Variants in SEMA6D observed in about 807,000 individuals in gnomAD.
The protein encoded by SEMA6D is semaphorin-6D.
A neutral mutation model predicts 106.6 loss-of-function variants in SEMA6D; 35 were observed. That is an observed-to-expected ratio of 0.33 (90% CI 0.25 to 0.44). The LOEUF is 0.44. Ranked by LOEUF, SEMA6D falls within the 20% of genes least tolerant of loss-of-function variation. The pLI, the probability that SEMA6D is intolerant of heterozygous loss-of-function variation, is 1.00. For missense variants in SEMA6D, 1,185 were observed against 1,345.9 expected, an observed-to-expected ratio of 0.88 and a Z score of 1.87; for synonymous variants, 499 against 487.7, an observed-to-expected ratio of 1.02 and a Z score of -0.31.
chr15:47,335,144 C>A (rs2037500418), intron 1 of SEMA6D, among the ~76,000 whole-genome samples: 2 of 151,940 alleles, frequency 1.3e-5, no homozygotes, highest in Admixed American at 6.6e-5. Context: ...AACCAAGAAA[C>A]TATTGAAACT....
At chr15:47,757,188 T>G (rs1335148911) in intron 1 of SEMA6D, among the ~76,000 whole-genome samples, 1 of 152,208 alleles carries the variant, frequency 6.6e-6, no homozygotes, top group Non-Finnish European at 1.5e-5. Flanking sequence ...ACATGGATGT[T>G]CTGCTTACCT....
In SEMA6D at chr15:47,746,984, G is replaced by GTGTATATATATATATATATATA. The variant is rs1401767590; in HGVS notation, c.-54-12760_-54-12759insGTATATATATATATATATATAT. Among the ~76,000 whole-genome samples the GTGTATATATATATATATATATA allele has an allele frequency of 1.2e-3, 141 of 122,082 alleles. 2 individuals are homozygous for GTGTATATATATATATATATATA. The highest frequency in any genetic ancestry group is 5.6e-3 in the East Asian group (25 of 4,458). 80.1% of individuals were successfully genotyped at this position (122,082 alleles called of 152,430 possible). On this transcript the variant is annotated intron_variant, in intron 1 of 18. Transcript: ENST00000536845. ...ACAGTCTCCTGCTGTGTGTGTGTGTGTATATATATATATATATATTTCGAT... is the reference window on the plus strand; with the variant it reads ...ACAGTCTCCTGCTGTGTGTGTGTGTGTGTATATATATATATATATATATATATATATATATATATATTTCGAT...
chr15:47,321,081 CTCTA>C (rs1487360677), intron 1 of SEMA6D, among the ~76,000 whole-genome samples: 1 of 152,140 alleles, frequency 6.6e-6, no homozygotes, highest in African/African-American at 2.4e-5. Flanking sequence ...CATAACAGGG[CTCTA>C]TCTCTTTATT....
intron 1 of SEMA6D, among the ~76,000 whole-genome samples, chr15:47,756,367 A>T (rs1221132213): frequency 6.6e-6 from 1 of 152,114 alleles, no homozygotes; most frequent in African/African-American, 2.4e-5. Context: ...GCCAGACAAG[A>T]CGTAACCAGA....
chr15:47,329,669 T>G (rs1180254618), intron 1 of SEMA6D, among the ~76,000 whole-genome samples: 1 of 152,202 alleles, frequency 6.6e-6, no homozygotes, highest in Non-Finnish European at 1.5e-5. Context: ...AGTGTTTCTT[T>G]TAGGAATGGT....
intron 1 of SEMA6D, among the ~76,000 whole-genome samples, chr15:47,246,392 G>A (rs1401544749): frequency 2.6e-5 from 4 of 152,136 alleles, no homozygotes; most frequent in African/African-American, 9.7e-5. Context: ...ACGGTACAGG[G>A]CTGAAGGAGG....
intron 4 of SEMA6D, among the ~76,000 whole-genome samples, chr15:47,611,604 A>G (rs1252464381): frequency 6.6e-6 from 1 of 152,216 alleles, no homozygotes; most frequent in Non-Finnish European, 1.5e-5. Flanking sequence ...ATTTTCTGTA[A>G]TGAACATACA....
At chr15:47,281,706 A>G (rs1405524744) in intron 1 of SEMA6D, among the ~76,000 whole-genome samples, 1 of 152,148 alleles carries the variant, frequency 6.6e-6, no homozygotes, top group South Asian at 2.1e-4. Flanking sequence ...AATAGAGCAC[A>G]GTATAATGTT....
At chr15:47,455,045 A>G (rs915453457) in intron 2 of SEMA6D, among the ~76,000 whole-genome samples, 4 of 151,936 alleles carry the variant, frequency 2.6e-5, no homozygotes, top group Non-Finnish European at 5.9e-5. Flanking sequence ...CCCAGAACCT[A>G]GCACATGGTA....
chr15:47,768,184 T>C (rs1332643521), intron 17 of SEMA6D, among the ~76,000 whole-genome samples: 1 of 152,168 alleles, frequency 6.6e-6, no homozygotes, highest in Non-Finnish European at 1.5e-5. Flanking sequence ...GTAAAGCCTA[T>C]AGATTTTCTA....
intron 3 of SEMA6D, among the ~76,000 whole-genome samples, chr15:47,600,635 A>G (rs922609556): frequency 1.3e-5 from 2 of 152,202 alleles, no homozygotes; most frequent in African/African-American, 4.8e-5. Context: ...CCTCAGCTGA[A>G]CATATTCCTA....
intron 2 of SEMA6D, among the ~76,000 whole-genome samples, chr15:47,422,585 A>C (rs2041207161): frequency 6.6e-6 from 1 of 152,092 alleles, no homozygotes; most frequent in African/African-American, 2.4e-5. Context: ...TGAGGACATG[A>C]TGAATGTCCA....
chr15:47,195,616 G>A (rs1894286645), intron 1 of SEMA6D, among the ~76,000 whole-genome samples: 1 of 152,020 alleles, frequency 6.6e-6, no homozygotes, highest in Non-Finnish European at 1.5e-5. Flanking sequence ...TTTTCATGAT[G>A]CCTCTAAAGG....
chr15:47,206,839 T>TC (rs2141152630), intron 1 of SEMA6D, among the ~76,000 whole-genome samples: 1 of 152,230 alleles, frequency 6.6e-6, no homozygotes, highest in East Asian at 1.9e-4. Flanking sequence ...GAAATCCTGG[T>TC]CACAGCAAGC....
chr15:47,221,964 A>G (rs1393876563), intron 1 of SEMA6D, among the ~76,000 whole-genome samples: 45 of 152,108 alleles, frequency 3.0e-4, no homozygotes, highest in Admixed American at 2.7e-3. Context: ...GGCTTCACCA[A>G]ACTCCCAAAA....
chr15:47,534,416 C>A (rs966970851), intron 3 of SEMA6D, among the ~76,000 whole-genome samples: 1 of 152,098 alleles, frequency 6.6e-6, no homozygotes, highest in Non-Finnish European at 1.5e-5. Context: ...CTCCTGGCCT[C>A]AAGTGATCCA....
At position 47,493,008 on chromosome 15, in the gene SEMA6D, T is replaced by C. The variant is rs190939380; in HGVS notation, c.-87+22463T>C. Among the ~76,000 whole-genome samples, 75 of 152,292 alleles carry C rather than the reference T, an allele frequency of 4.9e-4. 1 individual carries two copies. In the East Asian group the frequency reaches 0.014, roughly 27 times the overall value. ...AGAAAAAAAACTAAGAGCTTACTCC[T>C]GCATCCAACCCACCATGCTAAGCTG... On this transcript the variant is annotated intron_variant, in intron 3 of 19. Coordinates refer to the SEMA6D transcript ENST00000558014.
At chr15:47,457,174 T>C (rs530110572) in intron 2 of SEMA6D, among the ~76,000 whole-genome samples, 15 of 151,980 alleles carry the variant, frequency 9.9e-5, no homozygotes, top group Non-Finnish European at 2.1e-4. Context: ...ATAACAAAGA[T>C]TATAAGCAAG....
chr15:47,326,874 G>A (rs1051926207), intron 1 of SEMA6D, among the ~76,000 whole-genome samples: 2 of 152,124 alleles, frequency 1.3e-5, no homozygotes, highest in Non-Finnish European at 2.9e-5. Flanking sequence ...GTAGGTCACT[G>A]GTGACTCCCT....
Sources: gnomAD v4.1 joint callset for allele counts (sites outside exome capture counted in the v4.1 genomes callset) on GRCh38, gnomAD v4.1.1 for gene constraint, MANE v1.5 for transcripts, NCBI Gene and HGNC (gene_info 2026-07-23, HGNC 2026-07-21) for gene names.